The following GALNT14 variants were observed in gnomAD, a reference collection of about 807,000 sequenced individuals.
GALNT14 encodes UDP-GalNAc:polypeptide N-acetylgalactosaminyltransferase 14.
GALNT14 carries 60 observed loss-of-function variants against 77.5 expected under a neutral mutation model. The ratio of observed to expected loss-of-function variants is 0.77; its 90% CI spans 0.63 to 0.96. The LOEUF (loss-of-function observed/expected upper bound fraction) is 0.96. Ranked by LOEUF, GALNT14 falls within the 40% of genes least tolerant of loss-of-function variation. The probability of loss-of-function intolerance (pLI) is 0.00; values close to 1 mark genes in which losing one functional copy is unlikely to be tolerated. For missense variants in GALNT14, 710 were observed against 731.0 expected, an observed-to-expected ratio of 0.97 and a Z score of 0.33; for synonymous variants, 280 against 281.7, an observed-to-expected ratio of 0.99 and a Z score of 0.06.
intron 1 of GALNT14, 129 bp downstream of exon 1, chr2:31,137,829 G>A (rs1307461713): frequency 4.2e-6 from 5 of 1,186,162 alleles, no homozygotes; most frequent in Admixed American, 5.5e-5. Context: ...GCCACATCCG[G>A]CGGCTGTTAC....
chr2:30,996,558 C>CA (rs1255077879), intron 1 of GALNT14, among the ~76,000 whole-genome samples: 3 of 152,084 alleles, frequency 2.0e-5, no homozygotes, highest in Non-Finnish European at 4.4e-5. Context: ...GCCTCACCCC[C>CA]CCTCTACTCT....
At chr2:31,077,063 C>T (rs568946918) in intron 1 of GALNT14, among the ~76,000 whole-genome samples, 1 of 152,276 alleles carries the variant, frequency 6.6e-6, no homozygotes, top group East Asian at 1.9e-4. Flanking sequence ...ATAATAATTG[C>T]AGCTTCTGTT....
At chr2:31,101,604 A>C (rs1401094940) in intron 1 of GALNT14, among the ~76,000 whole-genome samples, 2 of 152,126 alleles carry the variant, frequency 1.3e-5, no homozygotes, top group African/African-American at 2.4e-5. Flanking sequence ...TGAACAAAGT[A>C]GTCTCCTGAT....
At chr2:31,060,342 G>T (rs1294425437) in intron 1 of GALNT14, among the ~76,000 whole-genome samples, 1 of 152,118 alleles carries the variant, frequency 6.6e-6, no homozygotes, top group African/African-American at 2.4e-5. Flanking sequence ...ACACACACAA[G>T]CCTACCACCA....
chr2:30,920,508 C>T (rs1664964270), intron 13 of GALNT14, among the ~76,000 whole-genome samples: 2 of 152,016 alleles, frequency 1.3e-5, no homozygotes, highest in South Asian at 4.1e-4. Context: ...GAGAATGTGA[C>T]AAAGCCCAGT....
At chr2:31,128,103 C>T (rs972695373) in intron 1 of GALNT14, among the ~76,000 whole-genome samples, 6 of 152,144 alleles carry the variant, frequency 3.9e-5, no homozygotes, top group Non-Finnish European at 7.4e-5. Context: ...TCCAGGAAGA[C>T]ATCAGCAGCC....
intron 1 of GALNT14, among the ~76,000 whole-genome samples, chr2:31,104,358 C>G (rs887632204): frequency 1.3e-5 from 2 of 152,118 alleles, no homozygotes; most frequent in African/African-American, 4.8e-5. Context: ...AAGATAGAAA[C>G]AGATATACAT....
At position 31,129,722 on chromosome 2, in the gene GALNT14, TG is replaced by T. The variant is rs1017991669; in HGVS notation, c.129+8235del. ...TGGACCAGTCTCTATGGCTGGGAGG[TG>T]GGGGGTGGGAGGGACATCAATGATT... On this transcript the variant is annotated intron_variant, in intron 1 of 14. Transcript: ENST00000349752. The T allele has an allele frequency of 2.2e-5, 15 of 679,258 alleles. No individual in the cohort carries two copies. The Admixed American group carries it at 2.6e-4, about 12-fold the overall frequency. 42.1% of individuals were successfully genotyped at this position (679,258 alleles called of 1,614,324 possible).
intron 1 of GALNT14, among the ~76,000 whole-genome samples, chr2:31,003,604 C>T (rs1259047735): frequency 6.6e-6 from 1 of 152,180 alleles, no homozygotes; most frequent in Non-Finnish European, 1.5e-5. Flanking sequence ...CTCTCTCCTC[C>T]CCACCACTTC....
At chr2:30,993,066 T>A (rs1669817748) in intron 1 of GALNT14, 59 bp from the exon 2 acceptor site, 21 of 1,573,188 alleles carry the variant, frequency 1.3e-5, no homozygotes, top group Non-Finnish European at 3.5e-6. Context: ...CTAGCCCCCG[T>A]CTGCCTATCA....
intron 1 of GALNT14, among the ~76,000 whole-genome samples, chr2:31,010,970 G>C (rs915903973): frequency 6.6e-6 from 1 of 152,244 alleles, no homozygotes; most frequent in East Asian, 1.9e-4. Flanking sequence ...GAGAAGACCA[G>C]CAAGGGCTGG....
chr2:30,988,691 T>TAAAAAAAAACC (rs1558470238), intron 2 of GALNT14, among the ~76,000 whole-genome samples: 1 of 152,176 alleles, frequency 6.6e-6, no homozygotes, highest in Admixed American at 6.5e-5. Flanking sequence ...AAGCCACAGG[T>TAAAAAAAAACC]ACAGGCTGAT....
chr2:30,967,122 C>T (rs1668059056), intron 2 of GALNT14, among the ~76,000 whole-genome samples: 2 of 152,166 alleles, frequency 1.3e-5, no homozygotes, highest in South Asian at 2.1e-4. Flanking sequence ...AAGTAAATAA[C>T]AGACTTTAGG....
In GALNT14 at chr2:30,932,391, T is replaced by C. The variant is rs185747835; in HGVS notation, c.932-197A>G. Reference sequence around the variant, plus strand: ...ATAGTCCTACCACTTTGGAGGGTGGTATAAGTGAGCAGGGAAACAGTGCAA... The same window carrying C: ...ATAGTCCTACCACTTTGGAGGGTGGCATAAGTGAGCAGGGAAACAGTGCAA... On this transcript the variant is annotated intron_variant, in intron 9 of 14. Transcript: ENST00000349752. 5.3e-5 allele frequency among the ~76,000 whole-genome samples: 8 copies of C among 152,252 alleles called. No individual in the cohort carries two copies. In the East Asian group the frequency reaches 1.5e-3, roughly 29 times the overall value.
chr2:30,947,614 C>G lies in GALNT14; in HGVS notation c.655-1744G>C, dbSNP rs571724084. 6.6e-5 allele frequency among the ~76,000 whole-genome samples: 10 copies of G among 152,342 alleles called. No individual in the cohort carries two copies. The East Asian group carries it at 1.7e-3, about 26-fold the overall frequency. On this transcript the variant is annotated intron_variant, in intron 6 of 14. Transcript: ENST00000349752. ...GCTAAATGGGAATCAGGCAGCCCAT[C>G]AAAACCAGCAGGTCCCTGGGAACCA...
Position 30,978,769 on chromosome 2 carries a change from C to T in GALNT14, c.300-12467G>A, listed in dbSNP as rs147605260. On this transcript the variant is annotated intron_variant, in intron 2 of 14. Coordinates refer to ENST00000349752, the MANE Select transcript of GALNT14 (RefSeq NM_024572.4). Reference sequence around the variant, plus strand: ...GATGGACAGTGTGAGTGCCAGGCACCGTGCTAGGCTCAGGAGATGCAAAGA... The same window carrying T: ...GATGGACAGTGTGAGTGCCAGGCACTGTGCTAGGCTCAGGAGATGCAAAGA... Among the ~76,000 whole-genome samples, 722 of 152,260 alleles carry T rather than the reference C, an allele frequency of 4.7e-3. 6 individuals carry two copies. The highest frequency in any genetic ancestry group is 0.017 in the African/African-American group (701 of 41,540).
intron 1 of GALNT14, among the ~76,000 whole-genome samples, chr2:31,058,420 C>T (rs1167674351): frequency 2.6e-5 from 4 of 152,234 alleles, no homozygotes; most frequent in African/African-American, 9.6e-5. Context: ...GCTCTGAGAA[C>T]AGGCTGCTCT....
At chr2:31,109,659 G>A (rs984255673) in intron 1 of GALNT14, among the ~76,000 whole-genome samples, 2 of 152,192 alleles carry the variant, frequency 1.3e-5, no homozygotes, top group South Asian at 4.1e-4. Context: ...TGTAATGGAC[G>A]CGATGTGGTA....
intron 2 of GALNT14, among the ~76,000 whole-genome samples, chr2:30,974,342 C>A (rs1459179558): frequency 6.6e-6 from 1 of 152,260 alleles, no homozygotes; most frequent in Non-Finnish European, 1.5e-5. Flanking sequence ...GGCTGTATCC[C>A]TTTTCAATCT....
Sources: gnomAD v4.1 joint callset for allele counts (sites outside exome capture counted in the v4.1 genomes callset) on GRCh38, gnomAD v4.1.1 for gene constraint, MANE v1.5 for transcripts, NCBI Gene and HGNC (gene_info 2026-07-23, HGNC 2026-07-21) for gene names.